Variants in COBLL1 observed in about 807,000 individuals in gnomAD.
The protein encoded by COBLL1 is cordon-bleu protein-like 1.
Under a neutral mutation model 94.8 loss-of-function variants are expected in COBLL1, and 50 were observed. The observed-to-expected ratio is 0.53, with a 90% CI of 0.42 to 0.67. COBLL1 has a LOEUF of 0.67. COBLL1 is among the 30% of genes least tolerant of loss of function. The probability of loss-of-function intolerance (pLI) is 0.00; values close to 1 mark genes in which losing one functional copy is unlikely to be tolerated. For synonymous variants in COBLL1, 448 were observed against 473.8 expected (o/e 0.95, Z 0.71); for missense variants, 1,362 against 1,348.7 (o/e 1.01, Z -0.15).
intron 9 of COBLL1, among the ~76,000 whole-genome samples, chr2:164,701,615 A>G (rs535189919): frequency 6.6e-6 from 1 of 152,306 alleles, no homozygotes; most frequent in South Asian, 2.1e-4. Flanking sequence ...CATCCATATT[A>G]ATATATATGT....
At chr2:164,747,887 C>A (rs1451914851) in intron 2 of COBLL1, among the ~76,000 whole-genome samples, 1 of 151,938 alleles carries the variant, frequency 6.6e-6, no homozygotes, top group Non-Finnish European at 1.5e-5. Flanking sequence ...TGAATAAGAC[C>A]AAGATCCTTC....
chr2:164,800,558 G>C lies in COBLL1; in HGVS notation c.41+40598C>G, dbSNP rs868092547. On this transcript the variant is annotated intron_variant, in intron 2 of 13. Coordinates refer to ENST00000652658, the MANE Select transcript of COBLL1 (RefSeq NM_001365672.2). ...CCATGACCCAGCAATCTCTCTCCTA[G>C]GCAGCATAAAAAAGAAATCAAAATT... The C allele has an allele frequency of 5.7e-6, 4 of 701,740 alleles. No homozygotes were observed. The Middle Eastern group carries it at 9.2e-4, about 161-fold the overall frequency. The allele number at this position is 701,740 out of a possible 1,614,324, so 43.5% of individuals were successfully genotyped here.
intron 2 of COBLL1, among the ~76,000 whole-genome samples, chr2:164,783,761 G>A (rs1688819319): frequency 6.6e-6 from 1 of 152,092 alleles, no homozygotes; most frequent in South Asian, 2.1e-4. Context: ...CGAGCCAGGA[G>A]TTTGAGACCA....
chr2:164,841,778 C>A lies in COBLL1; in HGVS notation c.-119G>T. Reference sequence around the variant, plus strand: ...GGCTTCCTCTCCTACTCTTCCCTTCCCCGGCCCGCGCTCTTGCCGCTCGGC... The same window carrying A: ...GGCTTCCTCTCCTACTCTTCCCTTCACCGGCCCGCGCTCTTGCCGCTCGGC... On this transcript the variant is annotated 5_prime_UTR_variant, in exon 1 of 14. Transcript: ENST00000652658. This position sits in a 1 kb window ranked among gnomAD's most constrained non-coding sequence, Gnocchi z 5.5. 1 of 563,222 alleles carries A rather than the reference C, an allele frequency of 1.8e-6. No homozygotes were observed. The highest frequency in any genetic ancestry group is 2.2e-5 in the South Asian group (1 of 44,668). 34.9% of individuals were successfully genotyped at this position (563,222 alleles called of 1,614,324 possible).
intron 2 of COBLL1, among the ~76,000 whole-genome samples, chr2:164,818,055 A>G (rs1408297758): frequency 6.6e-6 from 1 of 151,714 alleles, no homozygotes; most frequent in Non-Finnish European, 1.5e-5. Context: ...TCCTTATTCC[A>G]CTGGAAAACA....
At chr2:164,764,223 A>G (rs1687829214) in intron 2 of COBLL1, among the ~76,000 whole-genome samples, 1 of 152,206 alleles carries the variant, frequency 6.6e-6, no homozygotes, top group Non-Finnish European at 1.5e-5. Context: ...ATATGCTTCT[A>G]GTGTGATATA....
intron 2 of COBLL1, among the ~76,000 whole-genome samples, chr2:164,805,193 CACAT>C (rs1220153479): frequency 6.7e-6 from 1 of 149,946 alleles, no homozygotes. Context: ...CCCTAGCACA[CACAT>C]ACAGTTGTCT....
intron 2 of COBLL1, among the ~76,000 whole-genome samples, chr2:164,805,305 C>G (rs905247454): frequency 0.015 from 430 of 28,064 alleles, 43 homozygotes; most frequent in African/African-American, 0.019. Flanking sequence ...CTCTCTCTCT[C>G]TCTCTCTCTC....
chr2:164,750,600 T>C (rs957888394), intron 2 of COBLL1, among the ~76,000 whole-genome samples: 1 of 152,206 alleles, frequency 6.6e-6, no homozygotes, highest in African/African-American at 2.4e-5. Context: ...TCCCCTGTAG[T>C]AGTCAGAGTG....
chr2:164,798,298 T>C (rs1007959467), intron 2 of COBLL1, among the ~76,000 whole-genome samples: 2 of 152,248 alleles, frequency 1.3e-5, no homozygotes, highest in East Asian at 1.9e-4. Flanking sequence ...AAATTCCTCA[T>C]ACACACATTA....
intron 2 of COBLL1, among the ~76,000 whole-genome samples, chr2:164,767,218 T>C (rs538204020): frequency 1.3e-5 from 2 of 152,168 alleles, no homozygotes; most frequent in Non-Finnish European, 2.9e-5. Flanking sequence ...ACTGCATGAA[T>C]GCTTTTTAAT....
intron 3 of COBLL1, among the ~76,000 whole-genome samples, chr2:164,741,387 G>T (rs1686587169): frequency 6.6e-6 from 1 of 152,024 alleles, no homozygotes; most frequent in Non-Finnish European, 1.5e-5. Context: ...AGGTAGTTTG[G>T]ACTCCTTTAA....
At chr2:164,832,967 C>T (rs1424873027) in intron 2 of COBLL1, among the ~76,000 whole-genome samples, 3 of 151,908 alleles carry the variant, frequency 2.0e-5, no homozygotes, top group Non-Finnish European at 2.9e-5. Context: ...TGCTTGAAAC[C>T]GGGAGAGGGA....
chr2:164,767,102 G>T (rs1460176028), intron 2 of COBLL1, among the ~76,000 whole-genome samples: 1 of 152,200 alleles, frequency 6.6e-6, no homozygotes, highest in Non-Finnish European at 1.5e-5. Context: ...TTTAACTTAT[G>T]TACTGGTTTC....
intron 2 of COBLL1, among the ~76,000 whole-genome samples, chr2:164,817,744 C>A (rs1399942678): frequency 2.6e-5 from 4 of 152,102 alleles, no homozygotes; most frequent in African/African-American, 9.7e-5. Flanking sequence ...CGCAACAGTT[C>A]CCTCTTCTAG....
At chr2:164,749,304 G>T (rs1336264668) in intron 2 of COBLL1, among the ~76,000 whole-genome samples, 1 of 151,996 alleles carries the variant, frequency 6.6e-6, no homozygotes, top group African/African-American at 2.4e-5. Flanking sequence ...AAAAAATATG[G>T]CTTCAATATT....
chr2:164,762,361 A>G (rs940206625), intron 2 of COBLL1, among the ~76,000 whole-genome samples: 7 of 152,192 alleles, frequency 4.6e-5, no homozygotes, highest in African/African-American at 1.2e-4. Flanking sequence ...AGTACTTTCA[A>G]TGTAAGTTTG....
At position 164,704,965 on chromosome 2, in the gene COBLL1, A is replaced by G; in HGVS notation, c.1137T>C (p.Asn379=). Residue 379 remains asparagine, a synonymous_variant, in exon 8 of 14, where the codon AAT becomes AAC. Coordinates refer to ENST00000652658, the MANE Select transcript of COBLL1 (RefSeq NM_001365672.2). ...SKIPPHQSDE[N]SRVTALQPVD... is the part of the protein sequence containing the mutation. ...CAACCACATTACCAGTCACACGACT[A>G]TTTTCATCACTTTGATGCGGGGGTA... 1 of 1,586,348 alleles carries G rather than the reference A, an allele frequency of 6.3e-7. No individual in the cohort carries two copies. Among genetic ancestry groups the G allele is most frequent in the Non-Finnish European group, 8.5e-7 (1 of 1,169,932 alleles).
chr2:164,800,456 T>C (rs1318896084), intron 2 of COBLL1: 4 of 658,262 alleles, frequency 6.1e-6, no homozygotes, highest in Admixed American at 2.5e-5. Flanking sequence ...AAAATTCTCA[T>C]GCACTCTTGG....
Sources: allele counts gnomAD v4.1 joint callset (sites outside exome capture counted in the v4.1 genomes callset), GRCh38; gene constraint gnomAD v4.1.1; non-coding constraint Gnocchi (gnomAD v3.1); transcripts MANE v1.5; gene names NCBI Gene and HGNC (gene_info 2026-07-23, HGNC 2026-07-21).